The following DDX60L variants were observed in gnomAD, a reference collection of about 807,000 sequenced individuals.
DDX60L encodes the protein DExD/H-box 60 like, also known as probable ATP-dependent RNA helicase DDX60-like.
A neutral mutation model predicts 211.6 loss-of-function variants in DDX60L; 191 were observed. That is an observed-to-expected ratio of 0.90 (90% CI 0.80 to 1.02). DDX60L has a LOEUF of 1.02. DDX60L is among the 50% of genes least tolerant of loss of function. The pLI, the probability that DDX60L is intolerant of heterozygous loss-of-function variation, is 0.00. For synonymous variants in DDX60L, 706 were observed against 694.1 expected (o/e 1.02, Z -0.27); for missense variants, 2,007 against 1,984.1 (o/e 1.01, Z -0.22).
intron 30 of DDX60L, among the ~76,000 whole-genome samples, chr4:168,381,794 T>A (rs1253045845): frequency 6.6e-6 from 1 of 152,026 alleles, no homozygotes; most frequent in African/African-American, 2.4e-5. Flanking sequence ...ATCCAAAAAA[T>A]TTATGCCAGG....
intron 25 of DDX60L, among the ~76,000 whole-genome samples, chr4:168,402,264 G>A (rs1206009279): frequency 6.6e-6 from 1 of 151,562 alleles, no homozygotes; most frequent in Non-Finnish European, 1.5e-5. Context: ...CACAGTAATA[G>A]AAGTTAATAT....
intron 10 of DDX60L, among the ~76,000 whole-genome samples, chr4:168,435,890 A>G (rs1487784396): frequency 6.6e-6 from 1 of 152,192 alleles, no homozygotes; most frequent in Non-Finnish European, 1.5e-5. Context: ...CAATTCAGCA[A>G]AAATTCAGAG....
chr4:168,442,557 C>T (rs1246101386), intron 9 of DDX60L, among the ~76,000 whole-genome samples: 1 of 152,210 alleles, frequency 6.6e-6, no homozygotes, highest in Non-Finnish European at 1.5e-5. Flanking sequence ...CCTCTGTAGG[C>T]TCCACCTCTG....
Position 168,396,049 on chromosome 4 carries a change from C to T in DDX60L, c.3567G>A (p.Leu1189=), listed in dbSNP as rs1430558864. 3 of 1,606,572 alleles carry T rather than the reference C, an allele frequency of 1.9e-6. No individual in the cohort carries two copies. The highest frequency in any genetic ancestry group is 1.3e-5 in the African/African-American group (1 of 74,318). Residue 1189 remains leucine (L), a synonymous_variant, in exon 27 of 38, where the codon CTG becomes CTA. Transcript: ENST00000682922. ...AAATTTCCAGAATCTTCAGATTCTC[C>T]AGGAAATTAATATATTCAGCTCTAT... The part of the protein sequence containing the change: ...KVYRAEYINF[L]ENLKILEISE...
intron 22 of DDX60L, among the ~76,000 whole-genome samples, chr4:168,415,180 G>A (rs1375824153): frequency 1.3e-5 from 2 of 151,706 alleles, no homozygotes; most frequent in African/African-American, 4.8e-5. Context: ...TTGCATGTCT[G>A]TATCAAAATA....
chr4:168,457,719 G>T (rs531064417), intron 6 of DDX60L, among the ~76,000 whole-genome samples, 173 bp downstream of exon 6: 1 of 152,212 alleles, frequency 6.6e-6, no homozygotes, highest in South Asian at 2.1e-4. Context: ...TATGCCATCC[G>T]ATGAATTCAA....
In DDX60L at chr4:168,384,524, T is replaced by A. The variant is rs1015972534; in HGVS notation, c.4116+88A>T. The stretch of plus-strand genomic sequence containing the variant: ...ACAAAAAGAAAGTTTATTTTCTTTC[T>A]CAAGACAGACTTCTAAAAGAGCAGC... On this transcript the variant is annotated intron_variant, in intron 30 of 37. Transcript: ENST00000682922. 5.9e-6 allele frequency: 9 copies of A among 1,520,224 alleles called. No individual in the cohort carries two copies. In the African/African-American group the frequency reaches 1.2e-4, roughly 21 times the overall value. The allele number at this position is 1,520,224 out of a possible 1,614,324, so 94.2% of individuals were successfully genotyped here.
At chr4:168,400,234 C>T (rs192129086) in intron 26 of DDX60L, among the ~76,000 whole-genome samples, 8 of 152,144 alleles carry the variant, frequency 5.3e-5, no homozygotes. Flanking sequence ...CCTTGGTGTA[C>T]ATGTACCACA....
At chr4:168,436,212 A>G (rs1199487218) in intron 10 of DDX60L, among the ~76,000 whole-genome samples, 4 of 152,230 alleles carry the variant, frequency 2.6e-5, no homozygotes, top group Non-Finnish European at 5.9e-5. Context: ...GCCCTGCAAC[A>G]TGTCCAGGCT....
At chr4:168,434,711 G>C (rs1752808148) in intron 10 of DDX60L, among the ~76,000 whole-genome samples, 1 of 152,128 alleles carries the variant, frequency 6.6e-6, no homozygotes, top group Admixed American at 6.6e-5. Flanking sequence ...TGGTCATAGT[G>C]TTCCTAGAAA....
chr4:168,363,276 A>C (rs551449889), intron 36 of DDX60L, among the ~76,000 whole-genome samples: 23 of 152,356 alleles, frequency 1.5e-4, no homozygotes, highest in Non-Finnish European at 2.5e-4. Context: ...GAAATTTATC[A>C]CTACTAGTCT....
chr4:168,449,665 A>AAAAAAAAAAAAAAAAAAAAAAAAAAAAAT (rs1755474696), intron 8 of DDX60L, among the ~76,000 whole-genome samples: 3 of 28,500 alleles, frequency 1.1e-4, no homozygotes, highest in African/African-American at 4.2e-4. Context: ...AAAAAAAAAA[A>AAAAAAAAAAAAAAAAAAAAAAAAAAAAAT]GAAAAAAGAA....
At chr4:168,402,963 T>C (rs749761539) in intron 25 of DDX60L, among the ~76,000 whole-genome samples, 1 of 152,254 alleles carries the variant, frequency 6.6e-6, no homozygotes, top group Non-Finnish European at 1.5e-5. Flanking sequence ...GTATAAATAA[T>C]GAATCCTGTT....
rs1247436780 is a variant in DDX60L, at chr4:168,394,630, A to G, written c.3658-13T>C. ...CCCTCTCCAAAGTCTAAAACAAGAA[A>G]GAAGTGTAAAACAATTGATGATGTA... On this transcript the variant is annotated splice_polypyrimidine_tract_variant and intron_variant, in intron 27 of 37. Coordinates refer to ENST00000682922, the MANE Select transcript of DDX60L (RefSeq NM_001012967.3). 1 of 1,581,596 alleles carries G rather than the reference A, an allele frequency of 6.3e-7. No homozygotes were observed. The highest frequency in any genetic ancestry group is 8.6e-7 in the Non-Finnish European group (1 of 1,168,652).
chr4:168,404,131 TAAAA>T, intron 24 of DDX60L, 25 bp from the exon 25 acceptor site: 3 of 1,034,468 alleles, frequency 2.9e-6, no homozygotes, highest in East Asian at 3.6e-5. Flanking sequence ...AAAAATTATT[TAAAA>T]AAAAAAAAAG....
At chr4:168,359,982 G>C (rs187990232) in intron 37 of DDX60L, among the ~76,000 whole-genome samples, 160 of 152,200 alleles carry the variant, frequency 1.1e-3, no homozygotes, top group African/African-American at 3.8e-3. Context: ...TAATTAACTA[G>C]AATTATATTA....
rs571773633 is a variant in DDX60L at position 168,408,085 on chromosome 4, G to A, written c.2980-1379C>T. On this transcript the variant is annotated intron_variant, in intron 22 of 37. Transcript: ENST00000682922. ...GTATCTCATAAACTGCATCTTGCAG[G>A]TGACCAAATATTCTGTCTATAAATG... 4.6e-5 allele frequency among the ~76,000 whole-genome samples: 7 copies of A among 152,246 alleles called. No individual in the cohort carries two copies. In the South Asian group the frequency reaches 1.2e-3, roughly 27 times the overall value.
chr4:168,455,188 T>G (rs1246072596), intron 7 of DDX60L, among the ~76,000 whole-genome samples: 1 of 152,084 alleles, frequency 6.6e-6, no homozygotes, highest in East Asian at 1.9e-4. Context: ...TTTTTCTTTT[T>G]TTTTCTATTT....
chr4:168,375,313 G>A lies in DDX60L; in HGVS notation c.4633+64C>T, dbSNP rs1387469079. 3.3e-6 allele frequency: 5 copies of A among 1,523,196 alleles called. 1 individual carries two copies. The highest frequency in any genetic ancestry group is 1.2e-5 in the South Asian group (1 of 83,990). 94.4% of individuals were successfully genotyped at this position (1,523,196 alleles called of 1,614,324 possible). On this transcript the variant is annotated intron_variant, in intron 34 of 37. Transcript: ENST00000682922. Reference sequence around the variant, plus strand: ...AGCTTTGAAGCATCCAATATCCAGAGGCTTTCTTAACCAAGATTGTTTACT... The same window carrying A: ...AGCTTTGAAGCATCCAATATCCAGAAGCTTTCTTAACCAAGATTGTTTACT...
Sources: allele counts gnomAD v4.1 joint callset (sites outside exome capture counted in the v4.1 genomes callset), GRCh38; gene constraint gnomAD v4.1.1; transcripts MANE v1.5; gene names NCBI Gene and HGNC (gene_info 2026-07-23, HGNC 2026-07-21).